Variants in EPB41L3 observed in about 807,000 individuals in gnomAD.
The protein encoded by EPB41L3 is erythrocyte membrane protein band 4.1 like 3.
Under a neutral mutation model 127.1 loss-of-function variants are expected in EPB41L3, and 57 were observed. The ratio of observed to expected loss-of-function variants is 0.45; its 90% CI spans 0.36 to 0.56. The LOEUF is 0.56. EPB41L3 is among the 20% of genes least tolerant of loss of function. The probability of loss-of-function intolerance (pLI) is 0.00; values close to 1 mark genes in which losing one functional copy is unlikely to be tolerated. For synonymous variants in EPB41L3, 572 were observed against 549.5 expected (o/e 1.04, Z -0.57); for missense variants, 1,273 against 1,372.2 (o/e 0.93, Z 1.14).
In EPB41L3 at chr18:5,526,549, TGAGTACCTG is replaced by T. The variant is rs552411539; in HGVS notation, c.-12+17355_-12+17363del. 2.6e-5 allele frequency among the ~76,000 whole-genome samples: 4 copies of T among 152,326 alleles called. No homozygotes were observed. The South Asian group carries it at 8.3e-4, about 32-fold the overall frequency. On this transcript the variant is annotated intron_variant, in intron 1 of 22. Transcript: ENST00000341928. Reference sequence around the variant, plus strand: ...ACCATTCGATTTCACCAATACCTACTGAGTACCTGGAGCTAAAGAAAAATCTCTGCCCTC... The same window carrying T: ...ACCATTCGATTTCACCAATACCTACTGAGCTAAAGAAAAATCTCTGCCCTC...
intron 1 of EPB41L3, among the ~76,000 whole-genome samples, chr18:5,522,617 A>G (rs1427678523): frequency 6.6e-6 from 1 of 152,238 alleles, no homozygotes; most frequent in Non-Finnish European, 1.5e-5. Flanking sequence ...ATTAGTCTTC[A>G]TGCCATAAAA....
intron 3 of EPB41L3, among the ~76,000 whole-genome samples, chr18:5,472,019 C>T (rs1186644025): frequency 1.3e-5 from 2 of 151,994 alleles, no homozygotes; most frequent in African/African-American, 4.8e-5. Flanking sequence ...TGAAATAGGA[C>T]TCCTACTGTT....
At chr18:5,547,003 T>C (rs182110985), upstream of EPB41L3, among the ~76,000 whole-genome samples, 105 of 152,334 alleles carry the variant, frequency 6.9e-4, no homozygotes, top group African/African-American at 2.3e-3. Context: ...TCCAAAATTC[T>C]GTATGGTTCA....
At chr18:5,481,293 G>A (rs1176808862) in intron 2 of EPB41L3, among the ~76,000 whole-genome samples, 1 of 152,130 alleles carries the variant, frequency 6.6e-6, no homozygotes, top group Non-Finnish European at 1.5e-5. Context: ...ATTTTCACCA[G>A]CAACAACCTG....
At chr18:5,499,307 T>C (rs1231306785) in intron 1 of EPB41L3, among the ~76,000 whole-genome samples, 1 of 152,144 alleles carries the variant, frequency 6.6e-6, no homozygotes, top group Non-Finnish European at 1.5e-5. Context: ...TGTACATTGG[T>C]ATGCGGTACT....
chr18:5,575,023 G>A (rs2094323510), intron 3 of EPB41L3, among the ~76,000 whole-genome samples: 1 of 152,052 alleles, frequency 6.6e-6, no homozygotes, highest in Non-Finnish European at 1.5e-5. Context: ...CATCACTTCT[G>A]CAAGCTTTAC....
intron 1 of EPB41L3, among the ~76,000 whole-genome samples, chr18:5,491,593 G>A (rs75452348): frequency 0.15 from 22,835 of 151,982 alleles, 1,831 homozygotes; most frequent in Non-Finnish European, 0.17. Flanking sequence ...ATCTATGACT[G>A]TACCATATAA....
chr18:5,529,012 C>G lies in EPB41L3; in HGVS notation c.-12+14901G>C, dbSNP rs553060088. The G allele has an allele frequency of 2.0e-5, 3 of 152,320 alleles. No homozygotes were observed. In the South Asian group the frequency reaches 6.2e-4, roughly 32 times the overall value. 9.4% of individuals were successfully genotyped at this position (152,320 alleles called of 1,614,324 possible). ...CTCATCTGTGATCAAGAATATGCTA[C>G]CACTGGTGGAATCATTTCCATGATC... On this transcript the variant is annotated intron_variant, in intron 1 of 22. Transcript: ENST00000341928.
At chr18:5,558,045 T>G (rs2094066239) in intron 3 of EPB41L3, among the ~76,000 whole-genome samples, 1 of 152,232 alleles carries the variant, frequency 6.6e-6, no homozygotes, top group Admixed American at 6.5e-5. Context: ...ACTTAGTATG[T>G]GCCAGGCACT....
chr18:5,494,887 C>A (rs973922707), intron 1 of EPB41L3, among the ~76,000 whole-genome samples: 2 of 152,094 alleles, frequency 1.3e-5, no homozygotes, highest in African/African-American at 4.8e-5. Context: ...TGCAAGGCCG[C>A]CTGACCCTCG....
chr18:5,458,630 C>T lies in EPB41L3; in HGVS notation c.382-13386G>A, dbSNP rs576949054. ...GATAACTAGGAAAAATATTCTCTCG[C>T]CCTATCTAACTATAGAAAAAAACAC... On this transcript the variant is annotated intron_variant, in intron 3 of 22. Transcript: ENST00000341928. Among the ~76,000 whole-genome samples the T allele has an allele frequency of 9.9e-5, 15 of 152,190 alleles. No individual in the cohort carries two copies. The East Asian group carries it at 1.9e-3, about 20-fold the overall frequency.
At chr18:5,430,602 G>A (rs888844531) in intron 8 of EPB41L3, among the ~76,000 whole-genome samples, 4 of 142,012 alleles carry the variant, frequency 2.8e-5, no homozygotes, top group African/African-American at 1.1e-4. Flanking sequence ...TCCCTCTGTT[G>A]CCCAGGATGG....
At chr18:5,486,718 G>A (rs2089815024) in intron 2 of EPB41L3, among the ~76,000 whole-genome samples, 1 of 152,120 alleles carries the variant, frequency 6.6e-6, no homozygotes, top group Admixed American at 6.5e-5. Flanking sequence ...ACAGGTATAT[G>A]AAAAAATGCT....
intron 1 of EPB41L3, among the ~76,000 whole-genome samples, chr18:5,529,584 A>C (rs2148911246): frequency 6.6e-6 from 1 of 152,312 alleles, no homozygotes; most frequent in Admixed American, 6.5e-5. Context: ...CAGCGTGGCT[A>C]AATGCAAAGG....
intron 3 of EPB41L3, among the ~76,000 whole-genome samples, chr18:5,447,818 T>TA: frequency 6.6e-6 from 1 of 152,224 alleles, no homozygotes; most frequent in Non-Finnish European, 1.5e-5. Flanking sequence ...TGATTTCTAT[T>TA]AATGAGTCCC....
intron 3 of EPB41L3, among the ~76,000 whole-genome samples, chr18:5,569,870 A>G (rs1033421743): frequency 2.0e-5 from 3 of 152,234 alleles, no homozygotes; most frequent in Non-Finnish European, 2.9e-5. Flanking sequence ...TTGGAGCTGA[A>G]TGCATACTCC....
chr18:5,408,024 T>C (rs957717963), intron 14 of EPB41L3, among the ~76,000 whole-genome samples: 2 of 152,198 alleles, frequency 1.3e-5, no homozygotes, highest in African/African-American at 2.4e-5. Context: ...TGGCAGGTTG[T>C]TCTTGATGAA....
At chr18:5,628,347 C>A (rs2094946120) in intron 1 of EPB41L3, among the ~76,000 whole-genome samples, 1 of 152,242 alleles carries the variant, frequency 6.6e-6, no homozygotes, top group African/African-American at 2.4e-5. Flanking sequence ...CTTAATCCAT[C>A]GCACTTCAGA....
At chr18:5,408,570 C>G (rs1314965602) in intron 14 of EPB41L3, among the ~76,000 whole-genome samples, 1 of 151,906 alleles carries the variant, frequency 6.6e-6, no homozygotes, top group Non-Finnish European at 1.5e-5. Flanking sequence ...CCACCACGCC[C>G]AGCCAATTTT....
Sources: gnomAD v4.1 joint callset for allele counts (sites outside exome capture counted in the v4.1 genomes callset) on GRCh38, gnomAD v4.1.1 for gene constraint, MANE v1.5 for transcripts, NCBI Gene and HGNC (gene_info 2026-07-23, HGNC 2026-07-21) for gene names.